EYA2: variants seen among roughly 807,000 people sequenced by gnomAD.
EYA2 encodes the protein EYA transcriptional coactivator and phosphatase 2, also known as protein phosphatase EYA2.
In EYA2, 31 loss-of-function variants were observed where a neutral mutation model predicts 69.2. The ratio of observed to expected loss-of-function variants is 0.45; its 90% confidence interval spans 0.34 to 0.60. The LOEUF is 0.60. EYA2 is among the 20% of genes least tolerant of loss of function. EYA2 has a pLI of 0.02. For synonymous variants in EYA2, 257 were observed against 279.4 expected (o/e 0.92, Z 0.80); for missense variants, 622 against 701.2 (o/e 0.89, Z 1.28).
intron 1 of EYA2, among the ~76,000 whole-genome samples, chr20:46,960,421 TG>T (rs1568688567): frequency 6.6e-6 from 1 of 152,164 alleles, no homozygotes; most frequent in Non-Finnish European, 1.5e-5. Flanking sequence ...GGGTGCTGCC[TG>T]GGGGGCTTTA....
intron 7 of EYA2, among the ~76,000 whole-genome samples, chr20:47,085,298 G>A (rs886331696): frequency 6.6e-5 from 10 of 152,034 alleles, no homozygotes; most frequent in Admixed American, 3.3e-4. Flanking sequence ...ACCTACAGGC[G>A]AATGGATAAA....
intron 9 of EYA2, among the ~76,000 whole-genome samples, chr20:47,113,789 T>A (rs1369820159): frequency 6.6e-6 from 1 of 151,752 alleles, no homozygotes; most frequent in Non-Finnish European, 1.5e-5. Flanking sequence ...CAGACCATAA[T>A]GTTTCTGCTT....
At chr20:47,157,839 C>G (rs2033986494) in intron 10 of EYA2, among the ~76,000 whole-genome samples, 1 of 151,946 alleles carries the variant, frequency 6.6e-6, no homozygotes, top group African/African-American at 2.4e-5. Flanking sequence ...AACAAGAGTT[C>G]CAACAAAACT....
intron 9 of EYA2, among the ~76,000 whole-genome samples, chr20:47,137,087 A>T (rs2033495031): frequency 6.6e-6 from 1 of 152,114 alleles, no homozygotes; most frequent in Admixed American, 6.5e-5. Flanking sequence ...TACACATTGA[A>T]GCCTGTTTTG....
chr20:47,162,649 G>T (rs954843080), intron 10 of EYA2, among the ~76,000 whole-genome samples: 9 of 150,724 alleles, frequency 6.0e-5, no homozygotes, highest in African/African-American at 2.2e-4. Context: ...CTCCCAAGTA[G>T]CTACAACTGT....
At chr20:47,127,724 GAT>G (rs2033233655) in intron 9 of EYA2, among the ~76,000 whole-genome samples, 1 of 152,196 alleles carries the variant, frequency 6.6e-6, no homozygotes, top group Non-Finnish European at 1.5e-5. Flanking sequence ...AAGCTGGAAA[GAT>G]AAGCAGACAG....
At chr20:46,908,809 A>C (rs570103005) in intron 1 of EYA2, among the ~76,000 whole-genome samples, 17 of 148,816 alleles carry the variant, frequency 1.1e-4, no homozygotes, top group African/African-American at 4.2e-4. Context: ...CCTCTCCCAA[A>C]CATCGACACA....
At chr20:46,937,161 A>T (rs1477487957) in intron 1 of EYA2, among the ~76,000 whole-genome samples, 1 of 152,244 alleles carries the variant, frequency 6.6e-6, no homozygotes, top group African/African-American at 2.4e-5. Flanking sequence ...CAGAAGAAAA[A>T]AAAATCTCTG....
intron 9 of EYA2, among the ~76,000 whole-genome samples, chr20:47,131,329 C>A (rs2146577825): frequency 6.6e-6 from 1 of 152,312 alleles, no homozygotes; most frequent in South Asian, 2.1e-4. Flanking sequence ...GAACAAAATG[C>A]TTCCCCCACA....
intron 1 of EYA2, among the ~76,000 whole-genome samples, chr20:46,915,474 G>A (rs761269970): frequency 6.6e-5 from 10 of 152,150 alleles, no homozygotes; most frequent in Non-Finnish European, 1.5e-4. Flanking sequence ...GGAAACTGAG[G>A]CTCAGACAGG....
intron 5 of EYA2, among the ~76,000 whole-genome samples, chr20:47,021,816 T>C (rs1002822450): frequency 6.6e-6 from 1 of 152,070 alleles, no homozygotes; most frequent in African/African-American, 2.4e-5. Flanking sequence ...AAGCACTTGT[T>C]ACTCAGTGAT....
At chr20:47,033,046 A>G (rs1284222244) in intron 5 of EYA2, among the ~76,000 whole-genome samples, 1 of 152,078 alleles carries the variant, frequency 6.6e-6, no homozygotes, top group Non-Finnish European at 1.5e-5. Context: ...CCAGCCCTAA[A>G]CTGCAGCCTG....
chr20:47,005,111 C>T (rs1216453301), intron 4 of EYA2, 27 bp downstream of exon 4: 7 of 1,607,916 alleles, frequency 4.4e-6, no homozygotes, highest in Non-Finnish European at 6.0e-6. Flanking sequence ...TCCTTACTCT[C>T]CTCCTCAGGT....
At chr20:47,023,578 A>G (rs1385763767) in intron 5 of EYA2, among the ~76,000 whole-genome samples, 1 of 144,984 alleles carries the variant, frequency 6.9e-6, no homozygotes, top group African/African-American at 2.6e-5. Context: ...AATTACATCC[A>G]TGTCATTTTT....
intron 10 of EYA2, among the ~76,000 whole-genome samples, chr20:47,157,319 A>T (rs2033971445): frequency 7.3e-6 from 1 of 136,932 alleles, no homozygotes; most frequent in Non-Finnish European, 1.5e-5. Context: ...GCACAACTGC[A>T]CTCCAGCCTT....
rs11086189 is a variant in EYA2 at position 47,010,628 on chromosome 20, C to CAA, written c.299-5544_299-5543dup. ...TGGGTGACAGAGTGAAATCCTGTCT[C>CAA]AAAAAAAAAAGTAGTTACATATTTA... is the stretch of plus-strand genomic sequence containing the variant. On this transcript the variant is annotated intron_variant, in intron 4 of 15. Coordinates refer to ENST00000327619, the MANE Select transcript of EYA2 (RefSeq NM_005244.5). Among the ~76,000 whole-genome samples, 876 of 146,704 alleles carry CAA rather than the reference C, an allele frequency of 6.0e-3. 11 individuals carry two copies. The highest frequency in any genetic ancestry group is 0.02 in the African/African-American group (799 of 39,950).
chr20:47,042,312 C>T (rs1388821552), intron 5 of EYA2, among the ~76,000 whole-genome samples: 1 of 152,144 alleles, frequency 6.6e-6, no homozygotes, highest in Non-Finnish European at 1.5e-5. Flanking sequence ...ACTCCAGACT[C>T]CAAGCTCTTC....
chr20:46,978,422 G>A (rs1980597466), intron 1 of EYA2: 4 of 366,010 alleles, frequency 1.1e-5, no homozygotes, highest in South Asian at 8.4e-5. Flanking sequence ...CGGAACTGAG[G>A]CCTCTGCAGG....
intron 9 of EYA2, among the ~76,000 whole-genome samples, chr20:47,134,163 C>T (rs2033405334): frequency 6.6e-6 from 1 of 152,212 alleles, no homozygotes; most frequent in African/African-American, 2.4e-5. Context: ...CAAGTAAAGA[C>T]CACCAGATAG....
Sources: allele counts gnomAD v4.1 joint callset (sites outside exome capture counted in the v4.1 genomes callset), GRCh38; gene constraint gnomAD v4.1.1; transcripts MANE v1.5; gene names NCBI Gene and HGNC (gene_info 2026-07-23, HGNC 2026-07-21).